IGF2BP3: variants seen among roughly 807,000 people sequenced by gnomAD.
The protein encoded by IGF2BP3 is insulin like growth factor 2 mRNA binding protein 3, also known as insulin-like growth factor 2 mRNA-binding protein 3.
Under a neutral mutation model 73.8 loss-of-function variants are expected in IGF2BP3, and 9 were observed. That is an observed-to-expected ratio of 0.12 (90% CI 0.07 to 0.21). The LOEUF (loss-of-function observed/expected upper bound fraction) is 0.21, where lower values mean the gene tolerates loss of function less well. Among genes scored for constraint, IGF2BP3 ranks in the 10% least tolerant of loss-of-function variants. IGF2BP3 has a pLI of 1.00. For synonymous variants in IGF2BP3, 258 were observed against 256.7 expected (o/e 1.01, Z -0.05); for missense variants, 542 against 714.0 (o/e 0.76, Z 2.75).
chr7:23,401,123 T>A (rs1479352286), intron 3 of IGF2BP3, among the ~76,000 whole-genome samples: 2 of 152,142 alleles, frequency 1.3e-5, no homozygotes, highest in Non-Finnish European at 2.9e-5. Context: ...AAACCATGAT[T>A]GAAGAAATGG....
intron 3 of IGF2BP3, among the ~76,000 whole-genome samples, chr7:23,364,134 G>T (rs1332447829): frequency 6.6e-6 from 1 of 152,172 alleles, no homozygotes; most frequent in Non-Finnish European, 1.5e-5. Flanking sequence ...CCAGCACTTT[G>T]GGAGGCCGAG....
chr7:23,361,830 T>A (rs569220401), intron 3 of IGF2BP3, 89 bp from the exon 4 acceptor site: 87 of 1,221,566 alleles, frequency 7.1e-5, no homozygotes, highest in Non-Finnish European at 9.5e-5. Context: ...ACTAAGTAAT[T>A]GTGATGGAAA....
chr7:23,414,206 G>C (rs1562738261), intron 3 of IGF2BP3: 1 of 152,018 alleles, frequency 6.6e-6, no homozygotes, highest in Non-Finnish European at 1.5e-5. Flanking sequence ...ACATTTAGCA[G>C]AATCCAGTGC....
chr7:23,319,018 T>C (rs1784065918), intron 11 of IGF2BP3, 120 bp downstream of exon 11: 1 of 693,510 alleles, frequency 1.4e-6, no homozygotes, highest in Non-Finnish European at 2.5e-6. Context: ...GGTTTCTTCA[T>C]ATCCTTATGT....
intron 7 of IGF2BP3, among the ~76,000 whole-genome samples, 165 bp downstream of exon 7, chr7:23,347,435 A>AAATT (rs998516425): frequency 5.9e-5 from 9 of 152,214 alleles, no homozygotes; most frequent in Non-Finnish European, 8.8e-5. Flanking sequence ...TTTAAATATT[A>AAATT]AAAGACATAC....
At chr7:23,430,796 G>A (rs1374736355) in intron 2 of IGF2BP3, among the ~76,000 whole-genome samples, 1 of 152,088 alleles carries the variant, frequency 6.6e-6, no homozygotes, top group African/African-American at 2.4e-5. Context: ...TCTAACTCAA[G>A]AATTATCTTT....
chr7:23,347,764 C>T (rs542293325), intron 6 of IGF2BP3, 30 bp from the exon 7 acceptor site: 30 of 1,613,598 alleles, frequency 1.9e-5, no homozygotes, highest in South Asian at 3.3e-5. Flanking sequence ...GAGAGGAAAA[C>T]GAGAGCAGTA....
chr7:23,363,702 G>A (rs984264054), intron 3 of IGF2BP3, among the ~76,000 whole-genome samples: 19 of 152,136 alleles, frequency 1.2e-4, no homozygotes, highest in African/African-American at 4.1e-4. Flanking sequence ...CTTTGTCTCT[G>A]ATTATAGCTA....
chr7:23,352,253 T>C (rs1432079349), intron 5 of IGF2BP3, among the ~76,000 whole-genome samples: 2 of 151,664 alleles, frequency 1.3e-5, no homozygotes, highest in African/African-American at 4.8e-5. Flanking sequence ...ACCACACTAT[T>C]TGGGGGAGAG....
chr7:23,389,119 T>G (rs1487085600), intron 3 of IGF2BP3, among the ~76,000 whole-genome samples: 1 of 152,070 alleles, frequency 6.6e-6, no homozygotes, highest in African/African-American at 2.4e-5. Context: ...TTCAACGATT[T>G]AAGTTGTTAT....
chr7:23,337,633 C>T (rs1784606609), intron 10 of IGF2BP3, among the ~76,000 whole-genome samples: 1 of 152,220 alleles, frequency 6.6e-6, no homozygotes. Context: ...CAACATGAGG[C>T]AAACAGAAGT....
At chr7:23,394,261 G>T (rs752741428) in intron 3 of IGF2BP3, among the ~76,000 whole-genome samples, 4 of 152,162 alleles carry the variant, frequency 2.6e-5, no homozygotes, top group Non-Finnish European at 5.9e-5. Flanking sequence ...AAGCCCAGGA[G>T]TTGGAGACCG....
chr7:23,325,695 A>G (rs1286189872), intron 10 of IGF2BP3, among the ~76,000 whole-genome samples: 1 of 152,220 alleles, frequency 6.6e-6, no homozygotes, highest in Non-Finnish European at 1.5e-5. Flanking sequence ...ACAGTAACCA[A>G]AACAGCATGG....
At chr7:23,403,729 C>A (rs1163541623) in intron 3 of IGF2BP3, among the ~76,000 whole-genome samples, 1 of 152,132 alleles carries the variant, frequency 6.6e-6, no homozygotes, top group African/African-American at 2.4e-5. Context: ...CAAGTTTTTC[C>A]ATTTCCCAAT....
At position 23,361,891 on chromosome 7, in the gene IGF2BP3, A is replaced by G. The variant is rs1429958131; in HGVS notation, c.286-150T>C. On this transcript the variant is annotated intron_variant, in intron 3 of 14. Transcript: ENST00000258729. The stretch of plus-strand genomic sequence containing the variant: ...TGGACTGCAGAACTAAGGGATGGAT[A>G]CCACAAATATCACACTCAGACTTGT... 3 of 626,384 alleles carry G rather than the reference A, an allele frequency of 4.8e-6. No individual in the cohort carries two copies. In the South Asian group the frequency reaches 6.3e-5, roughly 13 times the overall value. The allele number at this position is 626,384 out of a possible 1,614,324, so 38.8% of individuals were successfully genotyped here. A position where few individuals can be genotyped will look rare whatever the true frequency, so the allele number is the denominator to read the frequency against.
intron 2 of IGF2BP3, among the ~76,000 whole-genome samples, chr7:23,447,125 C>T (rs919719342): frequency 1.3e-5 from 2 of 150,836 alleles, no homozygotes; most frequent in African/African-American, 2.4e-5. Context: ...CACTTGAACC[C>T]GGGAGGCAGA....
Position 23,317,699 on chromosome 7 carries a change from T to C in IGF2BP3, c.1335A>G (p.Glu445=). Residue 445 remains glutamate, a synonymous_variant, in exon 12 of 15, where the codon GAA becomes GAG. Transcript: ENST00000258729. ...CCATCCTCACTTTAGCATCTGGTGC[T>C]TCCGCTGGAGCAATCTGTAACAGAC... The part of the protein sequence containing the change: ...AGASIKIAPA[E]APDAKVRMVI... 6.2e-7 allele frequency: 1 copy of C among 1,614,098 alleles called. No homozygotes were observed.
In IGF2BP3 at chr7:23,469,359, AG is replaced by A. The variant is rs1272587468; in HGVS notation, c.175+576del. The A allele has an allele frequency of 6.6e-6, 1 of 151,912 alleles. No homozygotes were observed. The highest frequency in any genetic ancestry group is 2.4e-5 in the African/African-American group (1 of 41,362). 9.4% of individuals were successfully genotyped at this position (151,912 alleles called of 1,614,324 possible). A position where few individuals can be genotyped will look rare whatever the true frequency, so the allele number is the denominator to read the frequency against. ...CCCCTATCGCTCGTCGGACCAGGGG[AG>A]GTGGAACGGGGAAACCGGGCACACA... On this transcript the variant is annotated intron_variant, in intron 1 of 14. Coordinates refer to ENST00000258729, the MANE Select transcript of IGF2BP3 (RefSeq NM_006547.3). This position sits in a 1 kb window ranked among gnomAD's most constrained non-coding sequence, Gnocchi z 6.1.
At chr7:23,434,876 A>C (rs896708355) in intron 2 of IGF2BP3, among the ~76,000 whole-genome samples, 1 of 152,184 alleles carries the variant, frequency 6.6e-6, no homozygotes, top group African/African-American at 2.4e-5. Context: ...CAACTACATC[A>C]GTATTTTCCC....
Sources: allele counts gnomAD v4.1 joint callset (sites outside exome capture counted in the v4.1 genomes callset), GRCh38; gene constraint gnomAD v4.1.1; non-coding constraint Gnocchi (gnomAD v3.1); transcripts MANE v1.5; gene names NCBI Gene and HGNC (gene_info 2026-07-23, HGNC 2026-07-21).